ZBTB7C: variants seen among roughly 807,000 people sequenced by gnomAD.
ZBTB7C encodes the protein zinc finger and BTB domain-containing protein 7C.
In ZBTB7C, 8 loss-of-function variants were observed where a neutral mutation model predicts 25.7. That is an observed-to-expected ratio of 0.31 (90% CI 0.18 to 0.56). The LOEUF is 0.56. Ranked by LOEUF, ZBTB7C falls within the 20% of genes least tolerant of loss-of-function variation. The pLI is 0.91. For missense variants in ZBTB7C, 824 were observed against 855.2 expected (o/e 0.96, Z 0.46); for synonymous variants, 394 against 369.0 (o/e 1.07, Z -0.78).
chr18:48,409,071 C>T (rs1005571636), intron 1 of ZBTB7C, among the ~76,000 whole-genome samples, 155 bp downstream of exon 1: 2 of 151,418 alleles, frequency 1.3e-5, no homozygotes, highest in African/African-American at 2.4e-5. Context: ...CGCCGGCCTC[C>T]TAGCAACGGC....
At chr18:48,178,827 C>T (rs1007217470) in intron 3 of ZBTB7C, among the ~76,000 whole-genome samples, 2 of 152,176 alleles carry the variant, frequency 1.3e-5, no homozygotes, top group Non-Finnish European at 2.9e-5. Context: ...GTCTGAGACA[C>T]TGACAGATCC....
chr18:48,127,277 G>T (rs1282113810), intron 3 of ZBTB7C, among the ~76,000 whole-genome samples: 3 of 152,164 alleles, frequency 2.0e-5, no homozygotes, highest in Non-Finnish European at 4.4e-5. Context: ...TTCATCATCA[G>T]TCCCAGCTCA....
intron 3 of ZBTB7C, among the ~76,000 whole-genome samples, chr18:48,157,623 G>A (rs143864535): frequency 1.3e-5 from 2 of 152,290 alleles, no homozygotes; most frequent in African/African-American, 4.8e-5. Flanking sequence ...TAACAGCAGG[G>A]ACTCGAAGGC....
intron 3 of ZBTB7C, among the ~76,000 whole-genome samples, chr18:48,139,103 C>A (rs1287043776): frequency 6.6e-6 from 1 of 151,892 alleles, no homozygotes; most frequent in South Asian, 2.1e-4. Context: ...GACAGGGCTA[C>A]AGGAGGAGTG....
chr18:48,239,220 G>A (rs374586884), intron 2 of ZBTB7C, among the ~76,000 whole-genome samples: 17 of 152,238 alleles, frequency 1.1e-4, no homozygotes, highest in African/African-American at 4.1e-4. Flanking sequence ...CCACTTGATG[G>A]TCTTTCTCTA....
intron 3 of ZBTB7C, among the ~76,000 whole-genome samples, chr18:48,106,292 T>C (rs1245054472): frequency 4.6e-5 from 7 of 150,816 alleles, no homozygotes; most frequent in Admixed American, 6.6e-5. Flanking sequence ...CCCAGTAGTA[T>C]AGACTTAATG....
chr18:48,207,529 TTATC>T (rs1568302759), intron 2 of ZBTB7C, among the ~76,000 whole-genome samples: 1 of 152,182 alleles, frequency 6.6e-6, no homozygotes, highest in Non-Finnish European at 1.5e-5. Flanking sequence ...ATCTCACAGA[TTATC>T]TATCAATCAT....
At chr18:48,388,774 C>T (rs1454409008) in intron 1 of ZBTB7C, among the ~76,000 whole-genome samples, 1 of 152,156 alleles carries the variant, frequency 6.6e-6, no homozygotes, top group Non-Finnish European at 1.5e-5. Flanking sequence ...TAAAAATAAA[C>T]TGGCAAACAC....
At chr18:48,320,584 G>A (rs907274448) in intron 2 of ZBTB7C, among the ~76,000 whole-genome samples, 9 of 152,184 alleles carry the variant, frequency 5.9e-5, no homozygotes, top group Non-Finnish European at 8.8e-5. Flanking sequence ...ATATCATGAT[G>A]ACACAGCTGC....
chr18:48,363,089 G>A (rs191212245), intron 1 of ZBTB7C, among the ~76,000 whole-genome samples: 2 of 152,330 alleles, frequency 1.3e-5, no homozygotes, highest in East Asian at 1.9e-4. Context: ...ACCTTAGAGG[G>A]CAGTGTGGGA....
chr18:48,186,303 G>A (rs1599059256), intron 2 of ZBTB7C, among the ~76,000 whole-genome samples: 2 of 152,218 alleles, frequency 1.3e-5, no homozygotes, highest in African/African-American at 4.8e-5. Context: ...ACTCCGGAGT[G>A]AGGCCTCCAC....
chr18:48,201,380 G>T (rs2042442515), intron 2 of ZBTB7C, among the ~76,000 whole-genome samples: 1 of 152,176 alleles, frequency 6.6e-6, no homozygotes. Context: ...CCCAGGAGGG[G>T]ATTCTTTGTA....
At chr18:48,148,489 T>C (rs1246334689) in intron 3 of ZBTB7C, 8 of 152,204 alleles carry the variant, frequency 5.3e-5, no homozygotes, top group Non-Finnish European at 1.2e-4. Flanking sequence ...CTTAAGGAAC[T>C]GAAGTAGACT....
rs763287662 is a variant in ZBTB7C, at chr18:48,040,149, C to T, written c.959G>A (p.Gly320Glu). 1.3e-5 allele frequency: 20 copies of T among 1,580,070 alleles called. No individual in the cohort carries two copies. The highest frequency in any genetic ancestry group is 1.7e-4 in the Middle Eastern group (1 of 5,868). The part of the protein sequence containing the change: ...FKDMFPDLPG[G>E]PLGPIKAEND... ...CTCCGCCTTGATGGGTCCCAGAGGC[C>T]CCCCCGGCAGGTCAGGGAACATGTC... Residue 320 changes from glycine (G) to glutamate (E), a missense_variant, in exon 4 of 5, where the codon GGG (glycine) becomes GAG (glutamate). Around this residue, in one of 4 missense-constraint regions of ZBTB7C, gnomAD observed 316 missense variants for 299.2 expected, o/e 1.06. Transcript: ENST00000590800.
chr18:48,091,514 G>A (rs886317568), intron 3 of ZBTB7C, among the ~76,000 whole-genome samples: 1 of 152,224 alleles, frequency 6.6e-6, no homozygotes, highest in African/African-American at 2.4e-5. Flanking sequence ...TCAAGCACTT[G>A]ATATCTACAG....
intron 2 of ZBTB7C, among the ~76,000 whole-genome samples, chr18:48,271,286 T>G (rs2044478859): frequency 6.6e-6 from 1 of 152,034 alleles, no homozygotes; most frequent in Non-Finnish European, 1.5e-5. Flanking sequence ...GAGGGTACAA[T>G]TAAAGAAAGT....
At chr18:48,240,194 T>C (rs1158838432) in intron 2 of ZBTB7C, among the ~76,000 whole-genome samples, 1 of 152,082 alleles carries the variant, frequency 6.6e-6, no homozygotes, top group Non-Finnish European at 1.5e-5. Flanking sequence ...CAAAGCCTCC[T>C]AGAATTTTGG....
intron 1 of ZBTB7C, among the ~76,000 whole-genome samples, chr18:48,398,909 A>T (rs1013290853): frequency 6.6e-6 from 1 of 152,260 alleles, no homozygotes; most frequent in Admixed American, 6.5e-5. Context: ...CTTGTGAACA[A>T]TAACTTGGCA....
At chr18:48,330,770 A>G (rs2046325844) in intron 2 of ZBTB7C, among the ~76,000 whole-genome samples, 1 of 152,056 alleles carries the variant, frequency 6.6e-6, no homozygotes. Flanking sequence ...ACAGAATGGA[A>G]GAGAAGATGG....
Sources: allele counts gnomAD v4.1 joint callset (sites outside exome capture counted in the v4.1 genomes callset), GRCh38; gene constraint gnomAD v4.1.1; regional missense constraint gnomAD v4.1.1; transcripts MANE v1.5; gene names NCBI Gene and HGNC (gene_info 2026-07-23, HGNC 2026-07-21).